The following TMEM178B variants were observed in gnomAD, a reference collection of about 807,000 sequenced individuals.
TMEM178B encodes the protein transmembrane protein 178B.
A neutral mutation model predicts 31.0 loss-of-function variants in TMEM178B; 5 were observed. The ratio of observed to expected loss-of-function variants is 0.16; its 90% CI spans 0.08 to 0.34. TMEM178B has a LOEUF of 0.34. TMEM178B is among the 10% of genes least tolerant of loss of function. The pLI, the probability that TMEM178B is intolerant of heterozygous loss-of-function variation, is 1.00. For missense variants in TMEM178B, 275 were observed against 400.3 expected, an observed-to-expected ratio of 0.69 and a Z score of 2.67; for synonymous variants, 164 against 164.0, an observed-to-expected ratio of 1.00 and a Z score of 0.00.
At chr7:141,105,523 A>G (rs1450562839) in intron 1 of TMEM178B, among the ~76,000 whole-genome samples, 1 of 152,168 alleles carries the variant, frequency 6.6e-6, no homozygotes, top group Non-Finnish European at 1.5e-5. Flanking sequence ...TAAACAAAAC[A>G]AAACACAAAA....
intron 2 of TMEM178B, among the ~76,000 whole-genome samples, chr7:141,232,231 T>A (rs1797459824): frequency 6.6e-6 from 1 of 152,242 alleles, no homozygotes; most frequent in African/African-American, 2.4e-5. Context: ...TTGAGTTGAC[T>A]CTATGTCTTT....
chr7:141,463,859 G>A (rs1215188199), intron 3 of TMEM178B, among the ~76,000 whole-genome samples: 1 of 152,214 alleles, frequency 6.6e-6, no homozygotes, highest in Non-Finnish European at 1.5e-5. Flanking sequence ...CTCAGGTAAG[G>A]CCAGACGCGC....
intron 2 of TMEM178B, among the ~76,000 whole-genome samples, chr7:141,250,486 A>G (rs978159242): frequency 1.3e-5 from 2 of 152,178 alleles, no homozygotes; most frequent in Admixed American, 1.3e-4. Flanking sequence ...ACAGGACCAG[A>G]AGGAAATATA....
intron 2 of TMEM178B, among the ~76,000 whole-genome samples, chr7:141,364,297 C>T (rs1376891788): frequency 2.6e-5 from 4 of 152,158 alleles, no homozygotes; most frequent in African/African-American, 9.7e-5. Context: ...TTGTACTGTG[C>T]TTCTGGGCTA....
chr7:141,249,946 C>T (rs1410304965), intron 2 of TMEM178B, among the ~76,000 whole-genome samples: 2 of 152,086 alleles, frequency 1.3e-5, no homozygotes, highest in Non-Finnish European at 2.9e-5. Context: ...ATATTTCTTA[C>T]CTTAAGGAAA....
intron 2 of TMEM178B, among the ~76,000 whole-genome samples, chr7:141,330,085 T>G (rs974186594): frequency 8.2e-6 from 1 of 122,208 alleles, no homozygotes; most frequent in Non-Finnish European, 1.6e-5. Flanking sequence ...ATTGAAGGGC[T>G]TTTTTTTTTG....
chr7:141,446,169 G>C (rs1056900845), intron 3 of TMEM178B, among the ~76,000 whole-genome samples: 2 of 152,172 alleles, frequency 1.3e-5, no homozygotes, highest in African/African-American at 4.8e-5. Context: ...CAGTAACCCA[G>C]GCAGCAGGAG....
rs578149465 is a variant in TMEM178B, at chr7:141,154,874, C to T, written c.383-57717C>T. Among the ~76,000 whole-genome samples the T allele has an allele frequency of 1.9e-4, 29 of 152,090 alleles. No homozygotes were observed. The East Asian group carries it at 2.5e-3, about 13-fold the overall frequency. ...CCTCCCAAGTAGCTGGGACCACAGG[C>T]GCACACCACCATATCTAATTATTGT... On this transcript the variant is annotated intron_variant, in intron 1 of 3. Transcript: ENST00000565468.
chr7:141,490,409 G>A, the TMEM178B span, among the ~76,000 whole-genome samples: 1 of 152,314 alleles, frequency 6.6e-6, no homozygotes, highest in East Asian at 1.9e-4. Flanking sequence ...GAGAATGCTA[G>A]ATGAACATAA....
intron 1 of TMEM178B, among the ~76,000 whole-genome samples, chr7:141,165,727 A>C (rs1222606193): frequency 6.6e-6 from 1 of 152,232 alleles, no homozygotes; most frequent in African/African-American, 2.4e-5. Flanking sequence ...TGAGTGGTGA[A>C]GAGCTTTGAC....
chr7:141,184,502 T>C (rs1187449872), intron 1 of TMEM178B, among the ~76,000 whole-genome samples: 1 of 152,196 alleles, frequency 6.6e-6, no homozygotes, highest in Non-Finnish European at 1.5e-5. Flanking sequence ...ATGGTCTATT[T>C]AGCCCCAACT....
At position 141,270,091 on chromosome 7, in the gene TMEM178B, T is replaced by TA. The variant is rs199650238; in HGVS notation, c.496+57395dup. Among the ~76,000 whole-genome samples, 184 of 151,492 alleles carry TA rather than the reference T, an allele frequency of 1.2e-3. 1 individual carries two copies. The South Asian group carries it at 0.012, about 10-fold the overall frequency. On this transcript the variant is annotated intron_variant, in intron 2 of 3. Coordinates refer to ENST00000565468, the MANE Select transcript of TMEM178B (RefSeq NM_001195278.2). The stretch of plus-strand genomic sequence containing the variant: ...AAAAAACAAACAAACAAAAAACTCA[T>TA]AAAAAAAACACAACAAAAGCAACAA...
At chr7:141,299,607 C>T (rs1001876796) in intron 2 of TMEM178B, among the ~76,000 whole-genome samples, 7 of 152,048 alleles carry the variant, frequency 4.6e-5, no homozygotes, top group African/African-American at 1.7e-4. Flanking sequence ...CTTCTCTAAG[C>T]GGGATAGGAA....
In TMEM178B at chr7:141,331,202, G is replaced by A. The variant is rs186174082; in HGVS notation, c.497-106406G>A. On this transcript the variant is annotated intron_variant, in intron 2 of 3. Coordinates refer to ENST00000565468, the MANE Select transcript of TMEM178B (RefSeq NM_001195278.2). The stretch of plus-strand genomic sequence containing the variant: ...GGGGACTGGAGACATAAATTTGGGA[G>A]TCTTTGGCATGCAGATGGTCTCTAA... Among the ~76,000 whole-genome samples, 208 of 152,310 alleles carry A rather than the reference G, an allele frequency of 1.4e-3. 2 individuals carry two copies. The highest frequency in any genetic ancestry group is 4.8e-3 in the African/African-American group (198 of 41,560).
At chr7:141,312,122 G>T (rs1307689687) in intron 2 of TMEM178B, among the ~76,000 whole-genome samples, 2 of 152,184 alleles carry the variant, frequency 1.3e-5, no homozygotes, top group Non-Finnish European at 2.9e-5. Flanking sequence ...CCTCCCATAT[G>T]CTGTGGACTC....
intron 2 of TMEM178B, among the ~76,000 whole-genome samples, chr7:141,298,529 C>A (rs978683752): frequency 4.6e-5 from 7 of 152,136 alleles, no homozygotes; most frequent in Admixed American, 2.6e-4. Flanking sequence ...TTGTGCAGAC[C>A]AACATTGGGT....
At chr7:141,101,908 C>CGTGTGTGTGTGTGT (rs3032868) in intron 1 of TMEM178B, among the ~76,000 whole-genome samples, 19 of 142,806 alleles carry the variant, frequency 1.3e-4, no homozygotes, top group Admixed American at 3.5e-4. Flanking sequence ...TGTGTGTTAA[C>CGTGTGTGTGTGTGT]GTGTGTGTGT....
chr7:141,223,106 G>A (rs893703508), intron 2 of TMEM178B, among the ~76,000 whole-genome samples: 1 of 152,116 alleles, frequency 6.6e-6, no homozygotes, highest in African/African-American at 2.4e-5. Context: ...CCTGCCTTCC[G>A]TTTGCTATGA....
At chr7:141,466,660 C>T (rs1034154003) in intron 3 of TMEM178B, among the ~76,000 whole-genome samples, 1 of 152,050 alleles carries the variant, frequency 6.6e-6, no homozygotes, top group African/African-American at 2.4e-5. Context: ...CAATCCCATC[C>T]ACAGCTTCAA....
Sources: allele counts gnomAD v4.1 joint callset (sites outside exome capture counted in the v4.1 genomes callset), GRCh38; gene constraint gnomAD v4.1.1; transcripts MANE v1.5; gene names NCBI Gene and HGNC (gene_info 2026-07-23, HGNC 2026-07-21).